Variants in IL1RAPL1 observed in about 807,000 individuals in gnomAD.
IL1RAPL1 encodes the protein interleukin 1 receptor accessory protein like 1.
In IL1RAPL1, 3 loss-of-function variants were observed where a neutral mutation model predicts 48.4. The observed-to-expected ratio is 0.06, with a 90% CI of 0.03 to 0.16. The LOEUF (loss-of-function observed/expected upper bound fraction) is 0.16. IL1RAPL1 is among the 10% of genes least tolerant of loss of function. IL1RAPL1 has a pLI of 1.00. For missense variants in IL1RAPL1, 349 were observed against 530.6 expected (o/e 0.66, Z 3.36); for synonymous variants, 185 against 187.7 (o/e 0.99, Z 0.12).
intron 2 of IL1RAPL1, among the ~76,000 whole-genome samples, chrX:28,866,818 TTA>T (rs763088088): frequency 8.0e-5 from 9 of 111,866 alleles, no homozygotes; most frequent in East Asian, 2.8e-4. Context: ...CTCTAGAGAG[TTA>T]TATGTTATAC....
At chrX:28,958,045 G>C (rs768598928) in intron 2 of IL1RAPL1, among the ~76,000 whole-genome samples, 11 of 111,362 alleles carry the variant, frequency 9.9e-5, no homozygotes, top group Admixed American at 4.8e-4. Flanking sequence ...ACGATGTTTT[G>C]AAATATGCAT....
At chrX:29,751,707 G>A (rs1265723743) in intron 6 of IL1RAPL1, among the ~76,000 whole-genome samples, 1 of 110,413 alleles carries the variant, frequency 9.1e-6, no homozygotes, top group Non-Finnish European at 1.9e-5. Context: ...GAGGTGGGAA[G>A]ATCACTTGAG....
intron 3 of IL1RAPL1, among the ~76,000 whole-genome samples, chrX:29,284,739 T>C (rs911808593): frequency 2.7e-5 from 3 of 112,034 alleles, no homozygotes; most frequent in African/African-American, 9.7e-5. Context: ...AGCGAGACTC[T>C]GTCTCAAAAA....
At chrX:28,635,672 A>G (rs1934455938) in intron 1 of IL1RAPL1, among the ~76,000 whole-genome samples, 2 of 111,889 alleles carry the variant, frequency 1.8e-5, no homozygotes, top group Non-Finnish European at 3.8e-5. Flanking sequence ...CTATATTTTC[A>G]ACTTACAATG....
chrX:29,482,509 A>G lies in IL1RAPL1; in HGVS notation c.703+83201A>G, dbSNP rs180862447. ...CACAAAGTTAGTGTTTATTAAATAG[A>G]ATAATTACATTTCAAAAGAAAAATC... On this transcript the variant is annotated intron_variant, in intron 5 of 10. Coordinates refer to ENST00000378993, the MANE Select transcript of IL1RAPL1 (RefSeq NM_014271.4). Among the ~76,000 whole-genome samples the G allele has an allele frequency of 4.7e-4, 53 of 112,644 alleles. No individual in the cohort carries two copies. The East Asian group carries it at 0.014, about 29-fold the overall frequency.
chrX:29,639,759 T>C (rs1371725988), intron 5 of IL1RAPL1, among the ~76,000 whole-genome samples: 1 of 110,873 alleles, frequency 9.0e-6, no homozygotes, highest in Non-Finnish European at 1.9e-5. Flanking sequence ...GTCAGTTACT[T>C]GCGCATGTTG....
intron 1 of IL1RAPL1, among the ~76,000 whole-genome samples, chrX:28,730,658 T>C (rs2146946417): frequency 8.9e-6 from 1 of 112,145 alleles, no homozygotes; most frequent in Admixed American, 9.5e-5. Context: ...GCCCTAATTT[T>C]CATTATTTTA....
chrX:29,389,609 C>A (rs1933829750), intron 3 of IL1RAPL1, among the ~76,000 whole-genome samples: 1 of 110,911 alleles, frequency 9.0e-6, no homozygotes, highest in African/African-American at 3.3e-5. Context: ...TTGTATATGC[C>A]TAGGCCTTCT....
rs72625530 is a variant in IL1RAPL1 at position 29,335,341 on chromosome X, A to G, written c.362+52124A>G. 1.3e-4 allele frequency among the ~76,000 whole-genome samples: 2 copies of G among 15,290 alleles called. 1 individual carries two copies. Among genetic ancestry groups the G allele is most frequent in the Non-Finnish European group, 3.7e-4 (2 of 5,451 alleles). 13.3% of individuals were successfully genotyped at this position (15,290 alleles called of 115,157 possible). Reference sequence around the variant, plus strand: ...GGAGAGGGGAGAGGGGAGAGGGGAGAGGGAGAGCTATTCTAAGGTCTTTAG... The same window carrying G: ...GGAGAGGGGAGAGGGGAGAGGGGAGGGGGAGAGCTATTCTAAGGTCTTTAG... On this transcript the variant is annotated intron_variant, in intron 3 of 10. Coordinates refer to ENST00000378993, the MANE Select transcript of IL1RAPL1 (RefSeq NM_014271.4).
intron 2 of IL1RAPL1, among the ~76,000 whole-genome samples, chrX:28,864,520 A>G (rs190065279): frequency 1.6e-4 from 18 of 111,579 alleles, no homozygotes; most frequent in Admixed American, 1.0e-3. Context: ...AGAGTGAATA[A>G]CTATTTTAGA....
chrX:29,538,382 C>T (rs1306670740), intron 5 of IL1RAPL1, among the ~76,000 whole-genome samples: 1 of 92,899 alleles, frequency 1.1e-5, no homozygotes, highest in African/African-American at 4.2e-5. Context: ...TCTTTCACCT[C>T]AGGCTGGAGT....
intron 1 of IL1RAPL1, among the ~76,000 whole-genome samples, chrX:28,611,282 T>C (rs1019757431): frequency 3.1e-4 from 35 of 111,983 alleles, no homozygotes; most frequent in African/African-American, 1.0e-3. Context: ...AGGTTCTTTT[T>C]TCACCTAAAC....
At chrX:29,917,758 A>G (rs942864168) in intron 7 of IL1RAPL1, among the ~76,000 whole-genome samples, 162 bp downstream of exon 7, 5 of 110,903 alleles carry the variant, frequency 4.5e-5, no homozygotes, top group Non-Finnish European at 7.5e-5. Flanking sequence ...CAGACTTACT[A>G]TGGAATTGCA....
intron 6 of IL1RAPL1, among the ~76,000 whole-genome samples, chrX:29,743,792 CT>C (rs1330192245): frequency 8.9e-6 from 1 of 112,175 alleles, no homozygotes; most frequent in Admixed American, 9.5e-5. Flanking sequence ...CAAGGTCTTT[CT>C]CTTTTTAACT....
chrX:29,888,320 T>A (rs1435842069), intron 6 of IL1RAPL1, among the ~76,000 whole-genome samples: 2 of 107,135 alleles, frequency 1.9e-5, no homozygotes, highest in Non-Finnish European at 3.9e-5. Flanking sequence ...GCCTCCCGGG[T>A]TCAAGCAATT....
At position 29,506,424 on chromosome X, in the gene IL1RAPL1, CT is replaced by C. The variant is rs1569326383; in HGVS notation, c.703+107118del. Among the ~76,000 whole-genome samples the C allele has an allele frequency of 3.4e-3, 282 of 83,830 alleles. 1 individual carries two copies. The highest frequency in any genetic ancestry group is 0.011 in the African/African-American group (265 of 23,113). The allele number at this position is 83,830 out of a possible 115,157, so 72.8% of individuals were successfully genotyped here. On this transcript the variant is annotated intron_variant, in intron 5 of 10. Transcript: ENST00000378993. ...GTTGATTTGATTTTCTCTTCTTCTTCTTCTCCTTCTCCTTCTCCTCCTCCTC... is the reference window on the plus strand; with the variant it reads ...GTTGATTTGATTTTCTCTTCTTCTTCTCTCCTTCTCCTTCTCCTCCTCCTC...
At chrX:28,659,258 AC>A in intron 1 of IL1RAPL1, 2 of 609,581 alleles carry the variant, frequency 3.3e-6, no homozygotes, top group Non-Finnish European at 5.6e-6. Flanking sequence ...AATTTCTTGC[AC>A]CAAACGCTGG....
chrX:29,803,407 GTATATGTGTATATGTGTA>G (rs1569174324), intron 6 of IL1RAPL1, among the ~76,000 whole-genome samples: 4 of 81,044 alleles, frequency 4.9e-5, no homozygotes, highest in East Asian at 3.6e-4. Context: ...GTATATATGT[GTATATGTGTATATGTGTA>G]TATATGTATA....
chrX:29,809,758 A>G (rs748639999), intron 6 of IL1RAPL1, among the ~76,000 whole-genome samples: 1 of 109,351 alleles, frequency 9.1e-6, no homozygotes, highest in South Asian at 3.8e-4. Flanking sequence ...GGTTGATTAA[A>G]TATACCCAAG....
Sources: allele counts gnomAD v4.1 joint callset (sites outside exome capture counted in the v4.1 genomes callset), GRCh38; gene constraint gnomAD v4.1.1; transcripts MANE v1.5; gene names NCBI Gene and HGNC (gene_info 2026-07-23, HGNC 2026-07-21).